KIAA2012: variants seen among roughly 807,000 people sequenced by gnomAD.
KIAA2012 encodes uncharacterized protein KIAA2012.
In KIAA2012, 125 loss-of-function variants were observed where a neutral mutation model predicts 150.6. The observed-to-expected ratio is 0.83, with a 90% CI of 0.72 to 0.96. The LOEUF (loss-of-function observed/expected upper bound fraction) is 0.96. Ranked by LOEUF, KIAA2012 falls within the 40% of genes least tolerant of loss-of-function variation. KIAA2012 has a pLI of 0.00. For synonymous variants in KIAA2012, 462 were observed against 504.7 expected, an observed-to-expected ratio of 0.92 and a Z score of 1.13; for missense variants, 1,219 against 1,354.9, an observed-to-expected ratio of 0.90 and a Z score of 1.57.
At chr2:202,168,076 A>C (rs969050556) in intron 15 of KIAA2012, among the ~76,000 whole-genome samples, 10 of 151,886 alleles carry the variant, frequency 6.6e-5, no homozygotes, top group South Asian at 2.1e-4. Flanking sequence ...TACTTATCTC[A>C]TGGGGTGGTT....
At chr2:202,080,565 G>A (rs534897481) in intron 2 of KIAA2012, among the ~76,000 whole-genome samples, 9 of 152,132 alleles carry the variant, frequency 5.9e-5, no homozygotes, top group African/African-American at 2.2e-4. Context: ...GCGTGGTGGT[G>A]CATACCTGTA....
chr2:202,084,017 C>T (rs888035336), intron 2 of KIAA2012, among the ~76,000 whole-genome samples: 1 of 152,034 alleles, frequency 6.6e-6, no homozygotes, highest in African/African-American at 2.4e-5. Context: ...GCAGAGGCCT[C>T]TAGGGGAGAA....
intron 13 of KIAA2012, among the ~76,000 whole-genome samples, chr2:202,151,547 TAAGCC>T: frequency 6.6e-6 from 1 of 152,232 alleles, no homozygotes; most frequent in Non-Finnish European, 1.5e-5. Context: ...TCTGACCATT[TAAGCC>T]AAGCGGCCAC....
intron 19 of KIAA2012, among the ~76,000 whole-genome samples, chr2:202,192,584 A>T (rs950081503): frequency 1.3e-5 from 2 of 151,760 alleles, no homozygotes; most frequent in African/African-American, 4.8e-5. Context: ...CAGCCTCCCA[A>T]GTAGCTGGCA....
chr2:202,077,041 A>G (rs1354777456), intron 2 of KIAA2012: 2 of 457,302 alleles, frequency 4.4e-6, no homozygotes, highest in Admixed American at 2.3e-5. Flanking sequence ...AAGCATCTGC[A>G]TTACCTCTGT....
rs1430858653 is a variant in KIAA2012, at chr2:202,102,999, G to A, written c.1209G>A (p.Leu403=). 5 of 1,550,510 alleles carry A rather than the reference G, an allele frequency of 3.2e-6. No individual in the cohort carries two copies. The highest frequency in any genetic ancestry group is 2.4e-5 in the East Asian group (1 of 40,920). ...PPISEEPPRV[L]EPLKSQFKAN... Reference sequence around the variant, plus strand: ...TCTCAGAAGAACCACCCAGAGTCTTGGAGCCCCTGAAGAGCCAATTTAAAG... The same window carrying A: ...TCTCAGAAGAACCACCCAGAGTCTTAGAGCCCCTGAAGAGCCAATTTAAAG... Residue 403 remains leucine (L), a synonymous_variant, in exon 8 of 24, where the codon TTG becomes TTA. Coordinates refer to ENST00000498697, the MANE Select transcript of KIAA2012 (RefSeq NM_001277372.4).
intron 14 of KIAA2012, among the ~76,000 whole-genome samples, chr2:202,161,017 C>T (rs1363288498): frequency 1.3e-5 from 2 of 152,152 alleles, no homozygotes; most frequent in African/African-American, 4.8e-5. Context: ...GGGGGCTGTG[C>T]ATGAGAGTGG....
At chr2:202,183,211 G>A (rs1692155785) in intron 15 of KIAA2012, among the ~76,000 whole-genome samples, 1 of 152,050 alleles carries the variant, frequency 6.6e-6, no homozygotes, top group African/African-American at 2.4e-5. Context: ...CTTGAGCCCA[G>A]AAGTTCGAGA....
rs79898606 is a variant in KIAA2012 at position 202,113,138 on chromosome 2, G to A, written c.1652-198G>A. ...CCCTGTTCATCCCACCTTGACCCCC[G>A]GAAGGCAGGGCCTGAACAATAGCCC... On this transcript the variant is annotated intron_variant, in intron 10 of 23. Transcript: ENST00000498697. Among the ~76,000 whole-genome samples, 1,172 of 152,258 alleles carry A rather than the reference G, an allele frequency of 7.7e-3. 9 individuals carry two copies. Among genetic ancestry groups the A allele is most frequent in the Non-Finnish European group, 0.013 (877 of 68,010 alleles).
intron 5 of KIAA2012, among the ~76,000 whole-genome samples, chr2:202,097,903 C>A (rs1044069518): frequency 3.3e-5 from 5 of 152,140 alleles, no homozygotes; most frequent in African/African-American, 1.2e-4. Flanking sequence ...GGTACCACTT[C>A]TAATGGGCTC....
chr2:202,181,321 A>C (rs1692115595), intron 15 of KIAA2012, among the ~76,000 whole-genome samples: 1 of 152,232 alleles, frequency 6.6e-6, no homozygotes, highest in African/African-American at 2.4e-5. Context: ...TATGCCTGTC[A>C]TGTCAACACT....
At position 202,163,798 on chromosome 2, in the gene KIAA2012, TTTTTTTTTTTC is replaced by T. The variant is rs1421335914; in HGVS notation, c.2047-1485_2047-1475del. Among the ~76,000 whole-genome samples, 15 of 92,150 alleles carry T rather than the reference TTTTTTTTTTTC, an allele frequency of 1.6e-4. No individual in the cohort carries two copies. The South Asian group carries it at 3.4e-3, about 21-fold the overall frequency. The allele number at this position is 92,150 out of a possible 152,430, so 60.5% of individuals were successfully genotyped here. ...TTCAGGGAATTTTTTTTTTTTTTTTTTTTTTTTTTTCCTGTACCAGGCCAAATTGACTTTGT... is the reference window on the plus strand; with the variant it reads ...TTCAGGGAATTTTTTTTTTTTTTTTTCTGTACCAGGCCAAATTGACTTTGT... On this transcript the variant is annotated intron_variant, in intron 14 of 23. Coordinates refer to ENST00000498697, the MANE Select transcript of KIAA2012 (RefSeq NM_001277372.4).
At position 202,188,169 on chromosome 2, in the gene KIAA2012, C is replaced by A; in HGVS notation, c.2394C>A (p.Asn798Lys). 1.9e-6 allele frequency: 3 copies of A among 1,550,078 alleles called. No homozygotes were observed. The South Asian group carries it at 3.6e-5, about 18-fold the overall frequency. The change falls in exon 18 of 24, where the codon AAC becomes AAA. Residue 798 changes from asparagine to lysine, a missense_variant. Asn to Lys is a moderately conservative substitution (Grantham distance 94, BLOSUM62 0). Transcript: ENST00000498697. The part of the protein sequence containing the change: ...ANISHERDLI[N>K]EAKRKEKPKK... ...ACCTTTAGGAGAGGGATTTGATTAA[C>A]GAGGCCAAGAGAAAGGAAAAACCCA...
rs1575013244 is a variant in KIAA2012, at chr2:202,104,107, A to C, written c.1324+993A>C. ...AAGAATGCCTAACGGTGGAGCTTAA[A>C]AGACCAATGGAAGGGGACATGAAGG... On this transcript the variant is annotated intron_variant, in intron 8 of 23. Coordinates refer to ENST00000498697, the MANE Select transcript of KIAA2012 (RefSeq NM_001277372.4). This position sits in a 1 kb window ranked among gnomAD's most constrained non-coding sequence, Gnocchi z 4.3. Among the ~76,000 whole-genome samples the C allele has an allele frequency of 6.6e-6, 1 of 152,194 alleles. No individual in the cohort carries two copies. Among genetic ancestry groups the C allele is most frequent in the African/African-American group, 2.4e-5 (1 of 41,444 alleles).
At chr2:202,105,280 GGGAA>G (rs779604299) in intron 8 of KIAA2012, among the ~76,000 whole-genome samples, 11 of 151,420 alleles carry the variant, frequency 7.3e-5, no homozygotes, top group East Asian at 3.9e-4. Flanking sequence ...AGGGAAGGAA[GGGAA>G]GGAAGGAAGG....
intron 2 of KIAA2012, among the ~76,000 whole-genome samples, chr2:202,079,474 A>G (rs1689394175): frequency 6.6e-6 from 1 of 152,204 alleles, no homozygotes; most frequent in Admixed American, 6.5e-5. Flanking sequence ...CTGTAAGAAT[A>G]CAGGCTGTCG....
chr2:202,096,837 G>T (rs1307769277), intron 4 of KIAA2012, among the ~76,000 whole-genome samples: 1 of 152,220 alleles, frequency 6.6e-6, no homozygotes, highest in African/African-American at 2.4e-5. Context: ...ATTGATGAAA[G>T]ACTTGTTAAC....
intron 11 of KIAA2012, among the ~76,000 whole-genome samples, chr2:202,124,702 A>G (rs1423522293): frequency 6.6e-6 from 1 of 152,210 alleles, no homozygotes; most frequent in African/African-American, 2.4e-5. Context: ...TTAGATAAAA[A>G]CATTATTTTC....
At chr2:202,174,031 TCTCGG>T (rs2105731609) in intron 15 of KIAA2012, among the ~76,000 whole-genome samples, 2 of 152,294 alleles carry the variant, frequency 1.3e-5, no homozygotes, top group African/African-American at 4.8e-5. Context: ...AACGGCACGA[TCTCGG>T]CTCACTGCAA....
Sources: allele counts gnomAD v4.1 joint callset (sites outside exome capture counted in the v4.1 genomes callset), GRCh38; gene constraint gnomAD v4.1.1; non-coding constraint Gnocchi (gnomAD v3.1); transcripts MANE v1.5; gene names NCBI Gene and HGNC (gene_info 2026-07-23, HGNC 2026-07-21).